Variants in PTPRN2 observed in about 807,000 individuals in gnomAD.
PTPRN2 encodes protein tyrosine phosphatase receptor type N2, also known as receptor-type tyrosine-protein phosphatase N2.
PTPRN2 carries 74 observed loss-of-function variants against 118.8 expected under a neutral mutation model. That is an observed-to-expected ratio of 0.62 (90% CI 0.52 to 0.76). The LOEUF (loss-of-function observed/expected upper bound fraction) is 0.76. Among genes scored for constraint, PTPRN2 ranks in the 30% least tolerant of loss-of-function variants. PTPRN2 has a pLI of 0.00. For missense variants in PTPRN2, 1,481 were observed against 1,394.4 expected (o/e 1.06, Z -0.99); for synonymous variants, 641 against 608.0 (o/e 1.05, Z -0.80).
rs935901167 is a variant in PTPRN2 at position 157,676,978 on chromosome 7, G to A, written c.2001+5747C>T. On this transcript the variant is annotated intron_variant, in intron 13 of 22. Coordinates refer to ENST00000389418, the MANE Select transcript of PTPRN2 (RefSeq NM_002847.5). The surrounding 1 kb of genome is among the most constrained non-coding windows in gnomAD (Gnocchi z 5.6). ...GCAGCACCCGCTCCACAGACACCAC[G>A]CACACCGCCCCTCCCCTGGTGCTGT... 2.0e-5 allele frequency among the ~76,000 whole-genome samples: 3 copies of A among 152,090 alleles called. No homozygotes were observed. The highest frequency in any genetic ancestry group is 2.9e-5 in the Non-Finnish European group (2 of 68,008).
chr7:157,760,360 G>A (rs912164316), intron 12 of PTPRN2, among the ~76,000 whole-genome samples: 1 of 151,960 alleles, frequency 6.6e-6, no homozygotes, highest in East Asian at 1.9e-4. Context: ...CAGGGTGCAC[G>A]TTCTCGGTGT....
At chr7:158,296,581 T>TA (rs1800516837) in intron 3 of PTPRN2, among the ~76,000 whole-genome samples, 1 of 152,152 alleles carries the variant, frequency 6.6e-6, no homozygotes, top group Non-Finnish European at 1.5e-5. Context: ...AAGCACCCTG[T>TA]AACACACGCC....
intron 14 of PTPRN2, among the ~76,000 whole-genome samples, chr7:157,642,295 A>C (rs1224432351): frequency 1.3e-5 from 2 of 152,258 alleles, no homozygotes; most frequent in Non-Finnish European, 2.9e-5. Flanking sequence ...GAAGGTAAGC[A>C]GAGCCCACCT....
At chr7:157,579,387 G>A (rs924463056) in intron 17 of PTPRN2, among the ~76,000 whole-genome samples, 2 of 152,158 alleles carry the variant, frequency 1.3e-5, no homozygotes, top group East Asian at 1.9e-4. Flanking sequence ...TGTTTCTTAC[G>A]CCAGGCTTTT....
At position 158,438,400 on chromosome 7, in the gene PTPRN2, T is replaced by C. The variant is rs981126222; in HGVS notation, c.163+51335A>G. ...AGAAAAAGTTTTATTTTATTTTTAATTGACAAATAATTGTACATATTTATG... is the reference window on the plus strand; with the variant it reads ...AGAAAAAGTTTTATTTTATTTTTAACTGACAAATAATTGTACATATTTATG... On this transcript the variant is annotated intron_variant, in intron 2 of 22. Transcript: ENST00000389418. This position sits in a 1 kb window ranked among gnomAD's most constrained non-coding sequence, Gnocchi z 4.7. Among the ~76,000 whole-genome samples, 1 of 152,158 alleles carries C rather than the reference T, an allele frequency of 6.6e-6. No individual in the cohort carries two copies. The highest frequency in any genetic ancestry group is 2.4e-5 in the African/African-American group (1 of 41,446).
chr7:157,743,482 A>G (rs1800751896), intron 12 of PTPRN2, among the ~76,000 whole-genome samples: 1 of 152,098 alleles, frequency 6.6e-6, no homozygotes, highest in Non-Finnish European at 1.5e-5. Context: ...TGCTTTTGTG[A>G]CTCATCCTTC....
chr7:158,472,227 G>A (rs1819913292), intron 2 of PTPRN2, among the ~76,000 whole-genome samples: 1 of 152,206 alleles, frequency 6.6e-6, no homozygotes, highest in Admixed American at 6.5e-5. Context: ...AAAGAACGAT[G>A]AACCACCATA....
chr7:158,323,771 A>C (rs1803228875), intron 2 of PTPRN2, among the ~76,000 whole-genome samples: 1 of 152,134 alleles, frequency 6.6e-6, no homozygotes, highest in African/African-American at 2.4e-5. Context: ...CCAAGCTTCC[A>C]GCCCACTTCT....
chr7:158,018,821 C>T (rs1806631712), intron 11 of PTPRN2, among the ~76,000 whole-genome samples: 1 of 151,814 alleles, frequency 6.6e-6, no homozygotes, highest in East Asian at 1.9e-4. Context: ...ATTAGCTGGG[C>T]GTCGTGGTAG....
intron 12 of PTPRN2, among the ~76,000 whole-genome samples, chr7:157,807,885 A>G (rs115668595): frequency 0.023 from 3,563 of 152,268 alleles, 134 homozygotes; most frequent in African/African-American, 0.078. Flanking sequence ...ATGGATGTTT[A>G]CGTGGGTTAC....
At chr7:157,721,991 CAT>C (rs1190367815) in intron 12 of PTPRN2, among the ~76,000 whole-genome samples, 2 of 152,218 alleles carry the variant, frequency 1.3e-5, no homozygotes, top group African/African-American at 2.4e-5. Flanking sequence ...CGCAGCCTGA[CAT>C]GTGGTGCTCG....
intron 6 of PTPRN2, among the ~76,000 whole-genome samples, chr7:158,149,510 A>G (rs1231221025): frequency 6.6e-6 from 1 of 152,174 alleles, no homozygotes; most frequent in Non-Finnish European, 1.5e-5. Flanking sequence ...TGATTTTTAA[A>G]AAGATAAGCC....
chr7:158,488,728 C>T (rs914790770), intron 2 of PTPRN2, among the ~76,000 whole-genome samples: 9 of 152,266 alleles, frequency 5.9e-5, no homozygotes, highest in Admixed American at 4.6e-4. Context: ...CGAGGGGCCT[C>T]TGGGCAGGCC....
At chr7:157,541,954 C>T (rs541983933) in intron 22 of PTPRN2, among the ~76,000 whole-genome samples, 164 of 152,222 alleles carry the variant, frequency 1.1e-3, no homozygotes, top group Non-Finnish European at 1.5e-3. Context: ...AGTGTGGCCA[C>T]GCGGCCTCTT....
rs888661165 is a variant in PTPRN2 at position 157,618,829 on chromosome 7, C to G, written c.2344+2533G>C. On this transcript the variant is annotated intron_variant, in intron 15 of 22. Transcript: ENST00000389418. The surrounding 1 kb of genome is among the most constrained non-coding windows in gnomAD (Gnocchi z 4.2). Reference sequence around the variant, plus strand: ...TGCCGTTCTCTGTCTTCCCTGGTGGCCTCTCAACCCTGAAGGGCAGTGCTG... The same window carrying G: ...TGCCGTTCTCTGTCTTCCCTGGTGGGCTCTCAACCCTGAAGGGCAGTGCTG... 2 of 152,392 alleles carry G rather than the reference C, an allele frequency of 1.3e-5. No individual in the cohort carries two copies. Among genetic ancestry groups the G allele is most frequent in the South Asian group, 4.1e-4 (2 of 4,830 alleles). The allele number at this position is 152,392 out of a possible 1,614,324, so 9.4% of individuals were successfully genotyped here. A position where few individuals can be genotyped will look rare whatever the true frequency, so the allele number is the denominator to read the frequency against.
chr7:158,583,706 G>A (rs914385785), intron 1 of PTPRN2, among the ~76,000 whole-genome samples: 12 of 152,158 alleles, frequency 7.9e-5, no homozygotes, highest in Non-Finnish European at 4.4e-5. Context: ...TCTTCCAGAA[G>A]CCTAGGGTTA....
chr7:157,817,718 T>C (rs1054822619), intron 12 of PTPRN2, among the ~76,000 whole-genome samples: 1 of 152,160 alleles, frequency 6.6e-6, no homozygotes, highest in Non-Finnish European at 1.5e-5. Context: ...CTGCAGAGGG[T>C]GTGTCCGTGT....
chr7:158,116,968 G>A (rs1398041842), intron 9 of PTPRN2, among the ~76,000 whole-genome samples: 2 of 152,106 alleles, frequency 1.3e-5, no homozygotes, highest in East Asian at 3.8e-4. Context: ...GAGACAATCT[G>A]ATTTCCAGAG....
intron 12 of PTPRN2, among the ~76,000 whole-genome samples, chr7:157,885,234 G>A (rs1025185685): frequency 1.3e-5 from 2 of 152,250 alleles, no homozygotes; most frequent in Admixed American, 6.5e-5. Flanking sequence ...AGGCTGGAAC[G>A]ACAGCCCCCA....
Sources: allele counts gnomAD v4.1 joint callset (sites outside exome capture counted in the v4.1 genomes callset), GRCh38; gene constraint gnomAD v4.1.1; non-coding constraint Gnocchi (gnomAD v3.1); transcripts MANE v1.5; gene names NCBI Gene and HGNC (gene_info 2026-07-23, HGNC 2026-07-21).